PELI2: variants seen among roughly 807,000 people sequenced by gnomAD.
The protein encoded by PELI2 is E3 ubiquitin-protein ligase pellino homolog 2.
A neutral mutation model predicts 42.3 loss-of-function variants in PELI2; 23 were observed. The ratio of observed to expected loss-of-function variants is 0.54; its 90% CI spans 0.39 to 0.77. The LOEUF is 0.77. Among genes scored for constraint, PELI2 ranks in the 30% least tolerant of loss-of-function variants. The pLI is 0.00. For synonymous variants in PELI2, 245 were observed against 212.2 expected (o/e 1.15, Z -1.34); for missense variants, 463 against 553.2 (o/e 0.84, Z 1.64).
In PELI2 at chr14:56,297,134, A is replaced by G. The variant is rs749672306; in HGVS notation, c.1231A>G (p.Ile411Val). ...ACAGCTGGTTGGGGAGCAAAACTGC[A>G]TCAAATTAATTTTCCAAGGTCCAAT... ...ATQLVGEQNC[I>V]KLIFQGPID Residue 411 changes from isoleucine to valine, a missense_variant, in exon 6 of 6, where the codon ATC (isoleucine) becomes GTC (valine). By Grantham distance (29) the Ile-to-Val change is conservative. Transcript: ENST00000267460. 42 of 1,602,232 alleles carry G rather than the reference A, an allele frequency of 2.6e-5. 2 individuals carry two copies. In the South Asian group the frequency reaches 4.4e-4, roughly 17 times the overall value.
chr14:56,237,074 A>G (rs1331439685), intron 2 of PELI2, among the ~76,000 whole-genome samples: 1 of 152,062 alleles, frequency 6.6e-6, no homozygotes, highest in Non-Finnish European at 1.5e-5. Context: ...CCTTTAGCAA[A>G]TGTCCCCTCC....
At chr14:56,143,883 C>G (rs140757575) in intron 1 of PELI2, among the ~76,000 whole-genome samples, 2 of 152,122 alleles carry the variant, frequency 1.3e-5, no homozygotes, top group Non-Finnish European at 2.9e-5. Context: ...GCCTCATTTC[C>G]TTTTATTGGA....
At chr14:56,271,518 G>T (rs1158015487) in intron 2 of PELI2, among the ~76,000 whole-genome samples, 1 of 152,094 alleles carries the variant, frequency 6.6e-6, no homozygotes, top group African/African-American at 2.4e-5. Flanking sequence ...TGTTTATTTA[G>T]ATTTTATAGT....
At chr14:56,215,432 A>G (rs1886873630) in intron 2 of PELI2, among the ~76,000 whole-genome samples, 1 of 152,182 alleles carries the variant, frequency 6.6e-6, no homozygotes, top group Admixed American at 6.5e-5. Flanking sequence ...TTCTTTTCAC[A>G]TGATTTGGGG....
At chr14:56,237,906 C>G (rs1887852550) in intron 2 of PELI2, among the ~76,000 whole-genome samples, 1 of 151,826 alleles carries the variant, frequency 6.6e-6, no homozygotes, top group Non-Finnish European at 1.5e-5. Context: ...TACCCCCAAC[C>G]CTGAGCTTTT....
intron 1 of PELI2, among the ~76,000 whole-genome samples, chr14:56,119,532 G>A (rs1457312396): frequency 6.6e-6 from 1 of 152,226 alleles, no homozygotes; most frequent in Non-Finnish European, 1.5e-5. Flanking sequence ...CTCTCTGCTG[G>A]TGAAAGCCGC....
chr14:56,182,875 G>A (rs1360732427), intron 2 of PELI2, among the ~76,000 whole-genome samples: 1 of 152,114 alleles, frequency 6.6e-6, no homozygotes, highest in East Asian at 1.9e-4. Context: ...GTCCACTTTG[G>A]AAGCGCTCAC....
chr14:56,274,807 G>C (rs1889232484), intron 2 of PELI2, among the ~76,000 whole-genome samples: 1 of 152,168 alleles, frequency 6.6e-6, no homozygotes, highest in African/African-American at 2.4e-5. Context: ...ATCTGGTCTG[G>C]GCATCTGGGA....
chr14:56,229,669 T>C (rs1355461897), intron 2 of PELI2, among the ~76,000 whole-genome samples: 1 of 152,180 alleles, frequency 6.6e-6, no homozygotes. Flanking sequence ...CTGAAAATTC[T>C]AAAAACCAGA....
intron 1 of PELI2, among the ~76,000 whole-genome samples, chr14:56,176,204 A>G (rs183980411): frequency 6.6e-6 from 1 of 152,332 alleles, no homozygotes; most frequent in African/African-American, 2.4e-5. Flanking sequence ...AAGGAGGTAT[A>G]GTTGTGATCA....
At chr14:56,254,576 C>T (rs944302707) in intron 2 of PELI2, among the ~76,000 whole-genome samples, 3 of 152,024 alleles carry the variant, frequency 2.0e-5, no homozygotes, top group African/African-American at 4.8e-5. Context: ...AGGGCATAGG[C>T]GTGGGCAAAG....
chr14:56,161,127 A>G (rs1192206455), intron 1 of PELI2, among the ~76,000 whole-genome samples: 1 of 152,226 alleles, frequency 6.6e-6, no homozygotes, highest in Non-Finnish European at 1.5e-5. Context: ...TTAAGGTTCC[A>G]TGACTAGAAT....
intron 1 of PELI2, among the ~76,000 whole-genome samples, chr14:56,172,164 G>A (rs1484447582): frequency 6.6e-6 from 1 of 152,168 alleles, no homozygotes; most frequent in Non-Finnish European, 1.5e-5. Context: ...AATTCTGTGG[G>A]TCAGGAGTTT....
intron 2 of PELI2, among the ~76,000 whole-genome samples, chr14:56,275,019 GAAGA>G (rs2139863437): frequency 6.6e-6 from 1 of 152,258 alleles, no homozygotes; most frequent in East Asian, 1.9e-4. Flanking sequence ...GGGAAGACCT[GAAGA>G]AAGAAACTCT....
chr14:56,226,566 T>C (rs968346254), intron 2 of PELI2, among the ~76,000 whole-genome samples: 1 of 152,218 alleles, frequency 6.6e-6, no homozygotes, highest in African/African-American at 2.4e-5. Context: ...TCAAATTGTA[T>C]TGATGGGCAT....
At chr14:56,178,212 A>T (rs187030260) in intron 1 of PELI2, 123 bp from the exon 2 acceptor site, 39 of 885,602 alleles carry the variant, frequency 4.4e-5, no homozygotes, top group Admixed American at 3.8e-4. Context: ...CCTTTTGTGG[A>T]GTGTTTAGTG....
chr14:56,158,635 G>A (rs1369564141), intron 1 of PELI2, among the ~76,000 whole-genome samples: 1 of 152,204 alleles, frequency 6.6e-6, no homozygotes, highest in African/African-American at 2.4e-5. Flanking sequence ...GACTACAGGT[G>A]TGAGCCACCA....
At position 56,219,745 on chromosome 14, in the gene PELI2, G is replaced by A. The variant is rs1037959787; in HGVS notation, c.207+41281G>A. Among the ~76,000 whole-genome samples the A allele has an allele frequency of 2.6e-5, 4 of 152,212 alleles. No homozygotes were observed. The highest frequency in any genetic ancestry group is 5.9e-5 in the Non-Finnish European group (4 of 68,030). ...AAAATTGTACTTAGGTTGGTAAACTGAAAAATGACACGACATGCCTTGACT... is the reference window on the plus strand; with the variant it reads ...AAAATTGTACTTAGGTTGGTAAACTAAAAAATGACACGACATGCCTTGACT... On this transcript the variant is annotated intron_variant, in intron 2 of 5. Transcript: ENST00000267460. This position sits in a 1 kb window ranked among gnomAD's most constrained non-coding sequence, Gnocchi z 4.1.
intron 2 of PELI2, among the ~76,000 whole-genome samples, chr14:56,243,475 G>C (rs916160885): frequency 2.0e-5 from 3 of 152,192 alleles, no homozygotes; most frequent in Admixed American, 6.5e-5. Flanking sequence ...GGCAAGTGAA[G>C]TCACAACTCA....
Sources: gnomAD v4.1 joint callset for allele counts (sites outside exome capture counted in the v4.1 genomes callset) on GRCh38, gnomAD v4.1.1 for gene constraint, Gnocchi (gnomAD v3.1) non-coding constraint, MANE v1.5 for transcripts, NCBI Gene and HGNC (gene_info 2026-07-23, HGNC 2026-07-21) for gene names.